Variants in ERC2 observed in about 807,000 individuals in gnomAD.
ERC2 encodes ELKS/RAB6-interacting/CAST family member 2, also known as ERC protein 2.
A neutral mutation model predicts 114.8 loss-of-function variants in ERC2; 42 were observed. The observed-to-expected ratio is 0.37, with a 90% CI of 0.29 to 0.47. ERC2 has a LOEUF of 0.47. Ranked by LOEUF, ERC2 falls within the 20% of genes least tolerant of loss-of-function variation. The probability of loss-of-function intolerance (pLI) is 0.99; values close to 1 mark genes in which losing one functional copy is unlikely to be tolerated. For missense variants in ERC2, 939 were observed against 1,150.7 expected (o/e 0.82, Z 2.66); for synonymous variants, 454 against 425.5 (o/e 1.07, Z -0.82).
chr3:55,675,415 G>A (rs1011443289), intron 17 of ERC2, among the ~76,000 whole-genome samples: 10 of 152,206 alleles, frequency 6.6e-5, no homozygotes, highest in African/African-American at 2.4e-5. Context: ...GTTAAGGTAC[G>A]TCTTGGTAAG....
chr3:55,952,981 C>T (rs940223585), intron 12 of ERC2, among the ~76,000 whole-genome samples: 9 of 152,014 alleles, frequency 5.9e-5, no homozygotes, highest in Admixed American at 3.9e-4. Context: ...ATCATGAGGT[C>T]GGGAGATCGA....
intron 13 of ERC2, among the ~76,000 whole-genome samples, chr3:55,926,503 A>G (rs1057350109): frequency 4.6e-5 from 7 of 152,152 alleles, no homozygotes; most frequent in Non-Finnish European, 2.9e-5. Context: ...GAAATAAATA[A>G]TATTCAGAAA....
intron 13 of ERC2, among the ~76,000 whole-genome samples, chr3:55,898,006 A>C (rs1327256810): frequency 6.6e-6 from 1 of 152,082 alleles, no homozygotes; most frequent in East Asian, 1.9e-4. Flanking sequence ...TTGGGCTCCA[A>C]CTCTTTGATT....
At chr3:56,311,088 C>T (rs2056509307) in intron 2 of ERC2, among the ~76,000 whole-genome samples, 2 of 151,228 alleles carry the variant, frequency 1.3e-5, no homozygotes, top group Non-Finnish European at 2.9e-5. Context: ...GTCATTCACT[C>T]ATTGATTTAA....
At chr3:55,612,734 A>G (rs1380639266) in intron 17 of ERC2, 6 of 152,192 alleles carry the variant, frequency 3.9e-5, no homozygotes, top group Admixed American at 2.0e-4. Context: ...AAGGTCATCC[A>G]TGGTAAGTGT....
At chr3:56,192,251 C>T (rs2047836713) in intron 3 of ERC2, among the ~76,000 whole-genome samples, 2 of 152,196 alleles carry the variant, frequency 1.3e-5, no homozygotes, top group Non-Finnish European at 2.9e-5. Context: ...CAGTGTCTCA[C>T]CCAAGGTTGA....
At chr3:55,891,052 A>G (rs2063573748) in intron 13 of ERC2, among the ~76,000 whole-genome samples, 1 of 152,206 alleles carries the variant, frequency 6.6e-6, no homozygotes, top group South Asian at 2.1e-4. Context: ...AGCAAAAAAT[A>G]TCTCCCCTGC....
At chr3:56,439,012 C>T (rs934048098) in intron 1 of ERC2, among the ~76,000 whole-genome samples, 1 of 152,138 alleles carries the variant, frequency 6.6e-6, no homozygotes, top group Non-Finnish European at 1.5e-5. Context: ...TTGGGTTCTC[C>T]TTTTCTAGGT....
intron 2 of ERC2, among the ~76,000 whole-genome samples, chr3:56,326,452 T>C (rs113904890): frequency 1.3e-5 from 2 of 152,280 alleles, no homozygotes; most frequent in African/African-American, 4.8e-5. Flanking sequence ...TTGCAATAAA[T>C]TGGTCAGACT....
At chr3:56,104,014 T>C (rs538671848) in intron 6 of ERC2, among the ~76,000 whole-genome samples, 2 of 152,312 alleles carry the variant, frequency 1.3e-5, no homozygotes, top group South Asian at 2.1e-4. Flanking sequence ...CCAGTGAATA[T>C]TTGTCAGGTG....
intron 7 of ERC2, among the ~76,000 whole-genome samples, chr3:56,073,954 A>G (rs1326943320): frequency 6.6e-6 from 1 of 152,164 alleles, no homozygotes; most frequent in African/African-American, 2.4e-5. Flanking sequence ...AACTTATCAT[A>G]TTTTTAAATA....
rs530008434 is a variant in ERC2, at chr3:55,949,063, C to T, written c.2403+1362G>A. ...AGCAAGGTGAGCCCTAAGGTCAGGTCGTCTTTAAAGTTCTGGGCCCACCTG... is the reference window on the plus strand; with the variant it reads ...AGCAAGGTGAGCCCTAAGGTCAGGTTGTCTTTAAAGTTCTGGGCCCACCTG... On this transcript the variant is annotated intron_variant, in intron 13 of 17. Transcript: ENST00000288221. Among the ~76,000 whole-genome samples the T allele has an allele frequency of 1.8e-4, 27 of 152,182 alleles. 1 individual carries two copies. The highest frequency in any genetic ancestry group is 9.8e-4 in the Admixed American group (15 of 15,286).
At chr3:55,533,363 T>C (rs1237609547) in intron 17 of ERC2, among the ~76,000 whole-genome samples, 1 of 152,210 alleles carries the variant, frequency 6.6e-6, no homozygotes, top group Non-Finnish European at 1.5e-5. Context: ...CATCTCCCTC[T>C]GTGTCCGGAA....
At chr3:56,361,233 A>G (rs960565734) in intron 2 of ERC2, among the ~76,000 whole-genome samples, 10 of 152,194 alleles carry the variant, frequency 6.6e-5, no homozygotes, top group African/African-American at 2.4e-4. Context: ...GATGAGGAAT[A>G]AAAACAATGG....
intron 3 of ERC2, among the ~76,000 whole-genome samples, chr3:56,206,416 A>C (rs1323425929): frequency 6.6e-6 from 1 of 152,208 alleles, no homozygotes; most frequent in Non-Finnish European, 1.5e-5. Context: ...CTCAGCATAG[A>C]ATCTGATACA....
At chr3:56,224,245 C>T (rs183266214) in intron 3 of ERC2, among the ~76,000 whole-genome samples, 1 of 152,210 alleles carries the variant, frequency 6.6e-6, no homozygotes, top group East Asian at 1.9e-4. Flanking sequence ...CCCACCAATC[C>T]CACTACTAGG....
chr3:56,147,158 G>A (rs1273774794), intron 5 of ERC2, among the ~76,000 whole-genome samples: 8 of 152,192 alleles, frequency 5.3e-5, no homozygotes, highest in Non-Finnish European at 1.2e-4. Context: ...TCATATCTGT[G>A]CCTCTGGTCT....
chr3:55,663,880 C>G (rs941966318), intron 17 of ERC2, among the ~76,000 whole-genome samples: 5 of 152,228 alleles, frequency 3.3e-5, no homozygotes, highest in Non-Finnish European at 5.9e-5. Flanking sequence ...TGTACACACA[C>G]TCTTTGCTGC....
At chr3:55,972,667 A>C (rs2069256726) in intron 12 of ERC2, among the ~76,000 whole-genome samples, 1 of 152,114 alleles carries the variant, frequency 6.6e-6, no homozygotes, top group Non-Finnish European at 1.5e-5. Context: ...TTCTTTATCG[A>C]GTATAACATT....
Sources: allele counts gnomAD v4.1 joint callset (sites outside exome capture counted in the v4.1 genomes callset), GRCh38; gene constraint gnomAD v4.1.1; transcripts MANE v1.5; gene names NCBI Gene and HGNC (gene_info 2026-07-23, HGNC 2026-07-21).